The following MTUS1 variants were observed in gnomAD, a reference collection of about 807,000 sequenced individuals.
MTUS1 encodes microtubule-associated tumor suppressor 1.
In MTUS1, 109 loss-of-function variants were observed where a neutral mutation model predicts 120.8. That is an observed-to-expected ratio of 0.90 (90% CI 0.77 to 1.06). The LOEUF (loss-of-function observed/expected upper bound fraction) is 1.06. MTUS1 is among the 50% of genes least tolerant of loss of function. The pLI, the probability that MTUS1 is intolerant of heterozygous loss-of-function variation, is 0.00. For missense variants in MTUS1, 2,210 were observed against 1,486.3 expected (o/e 1.49, Z -8.01); for synonymous variants, 737 against 550.5 (o/e 1.34, Z -4.74).
At chr8:17,694,540 C>T (rs2130858422) in intron 6 of MTUS1, among the ~76,000 whole-genome samples, 1 of 151,932 alleles carries the variant, frequency 6.6e-6, no homozygotes, top group East Asian at 1.9e-4. Context: ...TGGTGGTGGG[C>T]ACCTGTAATC....
intron 6 of MTUS1, among the ~76,000 whole-genome samples, chr8:17,690,975 T>C (rs1816829167): frequency 7.8e-6 from 1 of 128,822 alleles, no homozygotes; most frequent in South Asian, 2.8e-4. Flanking sequence ...GAAAGAGGCT[T>C]TAAAGCTCAT....
chr8:17,744,957 T>G (rs2047633659), intron 2 of MTUS1, among the ~76,000 whole-genome samples: 1 of 152,206 alleles, frequency 6.6e-6, no homozygotes. Flanking sequence ...ATGTATTGAC[T>G]GATGTCCTCT....
At chr8:17,685,653 A>G (rs1815628105) in intron 6 of MTUS1, among the ~76,000 whole-genome samples, 1 of 151,798 alleles carries the variant, frequency 6.6e-6, no homozygotes, top group Admixed American at 6.6e-5. Flanking sequence ...ACTTTCTAAG[A>G]ACAAATGGCT....
chr8:17,755,705 G>C lies in MTUS1; in HGVS notation c.103C>G (p.Pro35Ala), dbSNP rs368852799. ...NTHAYNPKSP[P>A]TQNSSASSVN... ...CTGCTGGCTGAAGAGTTTTGTGTAG[G>C]TGGTGATTTCGGGTTGTATGCATGT... The change falls in exon 2 of 15, where the codon CCT becomes GCT. Residue 35 changes from proline (P) to alanine (A), a missense_variant. Pro to Ala is a conservative substitution (Grantham distance 27, BLOSUM62 -1). Transcript: ENST00000693296. 5.6e-6 allele frequency: 9 copies of C among 1,614,082 alleles called. No individual in the cohort carries two copies. The South Asian group carries it at 9.9e-5, about 18-fold the overall frequency.
intron 12 of MTUS1, among the ~76,000 whole-genome samples, chr8:17,650,674 A>C (rs1388744249): frequency 6.6e-6 from 1 of 152,196 alleles, no homozygotes; most frequent in Non-Finnish European, 1.5e-5. Flanking sequence ...GCACCACTGC[A>C]TTCTAACCTG....
intron 6 of MTUS1, among the ~76,000 whole-genome samples, chr8:17,702,048 G>T (rs1441022392): frequency 6.6e-6 from 1 of 152,060 alleles, no homozygotes; most frequent in Non-Finnish European, 1.5e-5. Flanking sequence ...TTCCTGTAAG[G>T]TATATAGGTT....
chr8:17,729,519 T>C (rs921576814), intron 3 of MTUS1, among the ~76,000 whole-genome samples: 1 of 152,296 alleles, frequency 6.6e-6, no homozygotes, highest in African/African-American at 2.4e-5. Context: ...ATTGCACACA[T>C]AGACACACAC....
intron 1 of MTUS1, among the ~76,000 whole-genome samples, chr8:17,790,346 T>C (rs1380751216): frequency 1.5e-5 from 1 of 65,594 alleles, no homozygotes; most frequent in Non-Finnish European, 4.8e-5. Context: ...AGATTCCCTT[T>C]CAAAAAAAAA....
intron 12 of MTUS1, among the ~76,000 whole-genome samples, chr8:17,652,843 A>G (rs999474513): frequency 3.9e-5 from 6 of 152,078 alleles, no homozygotes. Flanking sequence ...CTCAAAAAAA[A>G]AAAAAGAAAG....
Position 17,755,440 on chromosome 8 carries a change from G to C in MTUS1, c.368C>G (p.Ser123Cys). 6.2e-7 allele frequency: 1 copy of C among 1,614,204 alleles called. No individual in the cohort carries two copies. The highest frequency in any genetic ancestry group is 8.5e-7 in the Non-Finnish European group (1 of 1,180,034). ...ACTCTGGCCCTCAACTGCTTCTAGGGAATGACAACTGTGTTGCAGATATTT... is the reference window on the plus strand; with the variant it reads ...ACTCTGGCCCTCAACTGCTTCTAGGCAATGACAACTGTGTTGCAGATATTT... ...KPKYLQHSCH[S>C]LEAVEGQSVE... is the part of the protein sequence containing the mutation. Residue 123 changes from serine to cysteine, a missense_variant, in exon 2 of 15, where the codon TCC (serine) becomes TGC (cysteine). By Grantham distance (112) the Ser-to-Cys change is moderately radical. Coordinates refer to ENST00000693296, the MANE Select transcript of MTUS1 (RefSeq NM_001363059.2).
At chr8:17,659,909 C>T (rs1041351060) in intron 8 of MTUS1, among the ~76,000 whole-genome samples, 10 of 152,098 alleles carry the variant, frequency 6.6e-5, no homozygotes, top group African/African-American at 1.4e-4. Context: ...GCCCTGGCAG[C>T]GACCATTTTA....
At position 17,709,712 on chromosome 8, in the gene MTUS1, AT is replaced by A. The variant is rs577051491; in HGVS notation, c.2623+3501del. ...GTGCAACAGCATTATGTCTAAAAAA[AT>A]ATATACCTTAATTTGCCAGGCGTGG... is the stretch of plus-strand genomic sequence containing the variant. On this transcript the variant is annotated intron_variant, in intron 6 of 14. Coordinates refer to ENST00000693296, the MANE Select transcript of MTUS1 (RefSeq NM_001363059.2). Among the ~76,000 whole-genome samples, 199 of 152,224 alleles carry A rather than the reference AT, an allele frequency of 1.3e-3. 1 individual carries two copies. Among genetic ancestry groups the A allele is most frequent in the African/African-American group, 4.5e-3 (187 of 41,548 alleles).
intron 6 of MTUS1, among the ~76,000 whole-genome samples, chr8:17,702,369 CCTTT>C (rs772781247): frequency 7.2e-5 from 11 of 151,974 alleles, no homozygotes; most frequent in South Asian, 4.1e-4. Flanking sequence ...CTTATTTTTC[CCTTT>C]CTTTTTGTTT....
intron 8 of MTUS1, among the ~76,000 whole-genome samples, chr8:17,657,349 A>T (rs1425204121): frequency 6.6e-6 from 1 of 151,608 alleles, no homozygotes; most frequent in East Asian, 2.0e-4. Flanking sequence ...CGGGCGGATC[A>T]CGAGGTCAGG....
chr8:17,754,378 G>T lies in MTUS1; in HGVS notation c.1430C>A (p.Pro477His). ...TTTGATTGTTGATTTTCCTAAACTG[G>T]GTTTACACAGGTTCACAGGTGCCTC... is the stretch of plus-strand genomic sequence containing the variant. The part of the protein sequence containing the change: ...SKEAPVNLCK[P>H]SLGKSTIKTN... Residue 477 changes from proline (P) to histidine (H), a missense_variant, in exon 2 of 15, where the codon CCC (proline) becomes CAC (histidine). By Grantham distance (77) the Pro-to-His change is moderately conservative. Coordinates refer to ENST00000693296, the MANE Select transcript of MTUS1 (RefSeq NM_001363059.2). 1 of 1,614,056 alleles carries T rather than the reference G, an allele frequency of 6.2e-7. No individual in the cohort carries two copies. The highest frequency in any genetic ancestry group is 8.5e-7 in the Non-Finnish European group (1 of 1,180,010).
chr8:17,732,488 C>T (rs575926848), intron 3 of MTUS1, among the ~76,000 whole-genome samples: 30 of 152,212 alleles, frequency 2.0e-4, no homozygotes, highest in Non-Finnish European at 4.0e-4. Flanking sequence ...CTATCCTTGA[C>T]CTGTGCTCTC....
intron 4 of MTUS1, among the ~76,000 whole-genome samples, chr8:17,717,800 C>A (rs1194641250): frequency 6.6e-6 from 1 of 152,060 alleles, no homozygotes; most frequent in African/African-American, 2.4e-5. Context: ...TGTCTCACTG[C>A]CACTTTTCAG....
In MTUS1 at chr8:17,672,051, GACTCC is replaced by G. The variant is rs529312398; in HGVS notation, c.2905+3130_2905+3134del. Among the ~76,000 whole-genome samples the G allele has an allele frequency of 1.5e-3, 229 of 152,256 alleles. 2 individuals carry two copies. The highest frequency in any genetic ancestry group is 5.3e-3 in the African/African-American group (221 of 41,538). ...GTGGATGGACAAAAACCTAGGCTTT[GACTCC>G]ACACACCACACTCTACTGGATCAGG... On this transcript the variant is annotated intron_variant, in intron 8 of 14. Transcript: ENST00000693296.
intron 8 of MTUS1, among the ~76,000 whole-genome samples, chr8:17,670,416 T>C (rs1811775981): frequency 6.6e-6 from 1 of 152,092 alleles, no homozygotes; most frequent in South Asian, 2.1e-4. Context: ...AAGGGGTAAG[T>C]GAACGTATGG....
Sources: gnomAD v4.1 joint callset for allele counts (sites outside exome capture counted in the v4.1 genomes callset) on GRCh38, gnomAD v4.1.1 for gene constraint, MANE v1.5 for transcripts, NCBI Gene and HGNC (gene_info 2026-07-23, HGNC 2026-07-21) for gene names.